Variants in TANC1 observed in about 807,000 individuals in gnomAD.
The protein encoded by TANC1 is tetratricopeptide repeat, ankyrin repeat and coiled-coil containing 1, also known as protein TANC1.
A neutral mutation model predicts 149.7 loss-of-function variants in TANC1; 77 were observed. The ratio of observed to expected loss-of-function variants is 0.51; its 90% CI spans 0.43 to 0.62. The LOEUF is 0.62. Among genes scored for constraint, TANC1 ranks in the 20% least tolerant of loss-of-function variants. TANC1 has a pLI of 0.00. For synonymous variants in TANC1, 854 were observed against 925.0 expected, an observed-to-expected ratio of 0.92 and a Z score of 1.39; for missense variants, 1,985 against 2,321.8, an observed-to-expected ratio of 0.85 and a Z score of 2.98.
At chr2:159,208,924 A>C (rs2058806298) in intron 19 of TANC1, among the ~76,000 whole-genome samples, 1 of 152,250 alleles carries the variant, frequency 6.6e-6, no homozygotes, top group Admixed American at 6.5e-5. Context: ...TGCTGTACTG[A>C]ATACTGTAGG....
At chr2:159,179,207 G>A (rs373461298) in intron 14 of TANC1, 44 bp downstream of exon 14, 40 of 1,566,412 alleles carry the variant, frequency 2.6e-5, no homozygotes, top group Non-Finnish European at 3.4e-5. Context: ...GGAATCTCGT[G>A]TGCAGTTGGG....
At chr2:159,040,676 G>GT (rs1032519694) in intron 2 of TANC1, among the ~76,000 whole-genome samples, 8 of 152,130 alleles carry the variant, frequency 5.3e-5, no homozygotes, top group Non-Finnish European at 8.8e-5. Context: ...TTTTTTGAAG[G>GT]TTTTTAGCTT....
At chr2:158,979,181 A>T (rs2034018765) in intron 1 of TANC1, among the ~76,000 whole-genome samples, 1 of 152,122 alleles carries the variant, frequency 6.6e-6, no homozygotes, top group South Asian at 2.1e-4. Context: ...TTTCCAAAGG[A>T]TCTGTTTATA....
chr2:159,171,974 C>T, intron 10 of TANC1, 147 bp from the exon 11 acceptor site: 1 of 634,426 alleles, frequency 1.6e-6, no homozygotes, highest in East Asian at 2.8e-5. Context: ...CAGATGGGAA[C>T]CTGTGCTCTC....
chr2:159,212,184 C>T (rs2059031367), intron 19 of TANC1, among the ~76,000 whole-genome samples: 1 of 152,258 alleles, frequency 6.6e-6, no homozygotes, highest in Non-Finnish European at 1.5e-5. Context: ...CTTCAGATCT[C>T]ATCAAATGGA....
intron 3 of TANC1, among the ~76,000 whole-genome samples, chr2:159,087,921 G>A (rs2045111005): frequency 2.0e-5 from 3 of 149,734 alleles, no homozygotes; most frequent in African/African-American, 4.9e-5. Context: ...AGAATGTGAT[G>A]TGATGACGTA....
In TANC1 at chr2:159,199,037, A is replaced by G. The variant is rs778090434; in HGVS notation, c.3228A>G (p.Thr1076=). The change falls in exon 19 of 27, where the codon ACA becomes ACG. Residue 1076 remains threonine, a synonymous_variant. Coordinates refer to ENST00000263635, the MANE Select transcript of TANC1 (RefSeq NM_033394.3). The part of the protein sequence containing the change: ...EHEVEVNGTD[T]LWGETALTAA... Reference sequence around the variant, plus strand: ...AAGTAGAAGTCAATGGCACCGACACATTGTGGGGAGAAACAGGTAATTATA... The same window carrying G: ...AAGTAGAAGTCAATGGCACCGACACGTTGTGGGGAGAAACAGGTAATTATA... 1 of 1,613,918 alleles carries G rather than the reference A, an allele frequency of 6.2e-7. No homozygotes were observed. The highest frequency in any genetic ancestry group is 8.5e-7 in the Non-Finnish European group (1 of 1,179,798).
At chr2:159,210,487 C>T (rs76981418) in intron 19 of TANC1, among the ~76,000 whole-genome samples, 1 of 152,292 alleles carries the variant, frequency 6.6e-6, no homozygotes, top group African/African-American at 2.4e-5. Flanking sequence ...TTCCTGCAAA[C>T]CATCCATTTT....
At chr2:159,160,591 A>G (rs2053948515) in intron 7 of TANC1, among the ~76,000 whole-genome samples, 1 of 152,180 alleles carries the variant, frequency 6.6e-6, no homozygotes, top group Non-Finnish European at 1.5e-5. Context: ...GCTCAGCTGG[A>G]TCTGCCTCAG....
rs1217071558 is a variant in TANC1 at position 159,172,198 on chromosome 2, A to G, written c.1429A>G (p.Lys477Glu). 1.2e-6 allele frequency: 2 copies of G among 1,614,222 alleles called. No homozygotes were observed. Among genetic ancestry groups the G allele is most frequent in the South Asian group, 1.1e-5 (1 of 91,088 alleles). Reference sequence around the variant, plus strand: ...TTCCACAAGTGCTTCCAGCACAGCTAAAACACCTCTTGGGTCTATCAGTGC... The same window carrying G: ...TTCCACAAGTGCTTCCAGCACAGCTGAAACACCTCTTGGGTCTATCAGTGC... Reference protein sequence around the residue: ...SSSTSASSTAKTPLGSISAEN... With the variant: ...SSSTSASSTAETPLGSISAEN... Residue 477 changes from lysine to glutamate, a missense_variant, in exon 11 of 27, where the codon AAA becomes GAA. By Grantham distance (56) the Lys-to-Glu change is moderately conservative (BLOSUM62 1). Transcript: ENST00000263635.
At chr2:159,063,779 A>C (rs892463826) in intron 2 of TANC1, among the ~76,000 whole-genome samples, 4 of 152,146 alleles carry the variant, frequency 2.6e-5, no homozygotes, top group Non-Finnish European at 4.4e-5. Flanking sequence ...GAGTGCCCCA[A>C]AATAGGAAAA....
intron 7 of TANC1, 55 bp from the exon 8 acceptor site, chr2:159,163,228 C>T: frequency 6.4e-7 from 1 of 1,563,636 alleles, no homozygotes; most frequent in Middle Eastern, 1.8e-4. Flanking sequence ...TGTTTTAATT[C>T]TTCAGCCCCA....
rs1178983901 is a variant in TANC1, at chr2:159,178,641, A to G, written c.1988A>G (p.Tyr663Cys). The G allele has an allele frequency of 1.2e-6, 2 of 1,614,060 alleles. No homozygotes were observed. The highest frequency in any genetic ancestry group is 1.3e-5 in the African/African-American group (1 of 74,934). ...NKDIHSDLHA[Y>C]VQHRVHSSQD... ...GACATCCACAGTGACCTGCACGCCT[A>G]CGTCCAGCACAGGGTGCACAGCAGC... Residue 663 changes from tyrosine to cysteine, a missense_variant, in exon 14 of 27, where the codon TAC becomes TGC. Around this residue, in one of 3 missense-constraint regions of TANC1, gnomAD observed 508 missense variants for 714.2 expected, o/e 0.71. Transcript: ENST00000263635.
At chr2:159,034,603 A>G (rs2040035126) in intron 2 of TANC1, among the ~76,000 whole-genome samples, 1 of 152,196 alleles carries the variant, frequency 6.6e-6, no homozygotes, top group Admixed American at 6.5e-5. Flanking sequence ...CTAGCAGGAC[A>G]CCTGTCTCAT....
intron 19 of TANC1, among the ~76,000 whole-genome samples, chr2:159,213,668 A>C (rs1398691022): frequency 6.6e-6 from 1 of 152,088 alleles, no homozygotes; most frequent in Admixed American, 6.6e-5. Context: ...TTCGTCATCC[A>C]GATCAGTGAT....
chr2:159,160,835 T>G (rs1165814861), intron 7 of TANC1, among the ~76,000 whole-genome samples: 1 of 152,232 alleles, frequency 6.6e-6, no homozygotes, highest in East Asian at 1.9e-4. Flanking sequence ...ATATAAACAC[T>G]GACCTTACAA....
intron 19 of TANC1, among the ~76,000 whole-genome samples, chr2:159,204,965 C>A (rs529248152): frequency 6.6e-6 from 1 of 152,208 alleles, no homozygotes; most frequent in Admixed American, 6.5e-5. Flanking sequence ...GTTTACTGTT[C>A]ACTAATTCTG....
chr2:159,008,546 T>C (rs531920300), intron 2 of TANC1, among the ~76,000 whole-genome samples: 1 of 152,296 alleles, frequency 6.6e-6, no homozygotes, highest in African/African-American at 2.4e-5. Flanking sequence ...TTGGTTTGCA[T>C]ACCCAAAACG....
intron 2 of TANC1, among the ~76,000 whole-genome samples, chr2:159,002,313 A>T (rs1359965000): frequency 6.6e-6 from 1 of 152,138 alleles, no homozygotes; most frequent in Admixed American, 6.5e-5. Context: ...GCCTGAAGTC[A>T]GCAAGCTGAT....
Sources: gnomAD v4.1 joint callset for allele counts (sites outside exome capture counted in the v4.1 genomes callset) on GRCh38, gnomAD v4.1.1 for gene constraint, gnomAD v4.1.1 regional missense constraint, MANE v1.5 for transcripts, NCBI Gene and HGNC (gene_info 2026-07-23, HGNC 2026-07-21) for gene names.